The following DENND1B variants were observed in gnomAD, a reference collection of about 807,000 sequenced individuals.
DENND1B encodes the protein DENN domain-containing protein 1B.
In DENND1B, 59 loss-of-function variants were observed where a neutral mutation model predicts 90.1. The ratio of observed to expected loss-of-function variants is 0.65; its 90% CI spans 0.53 to 0.81. The LOEUF is 0.81. Ranked by LOEUF, DENND1B falls within the 40% of genes least tolerant of loss-of-function variation. The pLI, the probability that DENND1B is intolerant of heterozygous loss-of-function variation, is 0.00. For missense variants in DENND1B, 862 were observed against 912.6 expected (o/e 0.94, Z 0.71); for synonymous variants, 337 against 324.6 (o/e 1.04, Z -0.41).
intron 2 of DENND1B, among the ~76,000 whole-genome samples, chr1:197,762,335 T>C (rs113880109): frequency 0.016 from 2,467 of 152,150 alleles, 70 homozygotes; most frequent in African/African-American, 0.056. Flanking sequence ...GGCACAATCT[T>C]GGCTCACTGC....
intron 2 of DENND1B, among the ~76,000 whole-genome samples, chr1:197,729,525 A>G (rs1661962357): frequency 6.6e-6 from 1 of 152,266 alleles, no homozygotes; most frequent in African/African-American, 2.4e-5. Flanking sequence ...TATTTTCACT[A>G]CATATTTTCA....
intron 15 of DENND1B, among the ~76,000 whole-genome samples, chr1:197,560,028 A>T (rs1406036200): frequency 6.6e-6 from 1 of 151,936 alleles, no homozygotes; most frequent in African/African-American, 2.4e-5. Context: ...TTAGACTACC[A>T]TGGTATCATG....
intron 3 of DENND1B, among the ~76,000 whole-genome samples, chr1:197,707,690 T>A (rs866567916): frequency 6.8e-6 from 1 of 146,746 alleles, no homozygotes; most frequent in Admixed American, 6.9e-5. Context: ...TAATATAATA[T>A]AATATAATTA....
intron 2 of DENND1B, among the ~76,000 whole-genome samples, chr1:197,743,572 A>G (rs1174893362): frequency 1.3e-5 from 2 of 152,216 alleles, no homozygotes; most frequent in Non-Finnish European, 2.9e-5. Context: ...ATTTCTTAAA[A>G]TAAGGCAACA....
chr1:197,627,888 GA>G (rs1428942191), intron 10 of DENND1B, among the ~76,000 whole-genome samples: 9 of 151,126 alleles, frequency 6.0e-5, no homozygotes, highest in Non-Finnish European at 1.2e-4. Context: ...ACCAATAACA[GA>G]CAGACAGCGA....
At chr1:197,702,627 C>T (rs1401774476) in intron 3 of DENND1B, among the ~76,000 whole-genome samples, 1 of 152,128 alleles carries the variant, frequency 6.6e-6, no homozygotes, top group Non-Finnish European at 1.5e-5. Flanking sequence ...TGTCTATATA[C>T]TTTTTCTTCT....
intron 2 of DENND1B, among the ~76,000 whole-genome samples, chr1:197,743,971 G>A (rs759520731): frequency 2.6e-5 from 4 of 152,152 alleles, no homozygotes; most frequent in East Asian, 1.9e-4. Context: ...TTGCTCATCC[G>A]TAAGAAGCAA....
intron 2 of DENND1B, chr1:197,735,348 T>A (rs1662542743): frequency 7.6e-7 from 1 of 1,318,256 alleles, no homozygotes; most frequent in East Asian, 3.4e-5. Context: ...GCTACACAGC[T>A]CCACCTTGGC....
intron 10 of DENND1B, 35 bp from the exon 11 acceptor site, chr1:197,617,794 C>G: frequency 6.8e-7 from 1 of 1,476,570 alleles, no homozygotes; most frequent in Non-Finnish European, 9.5e-7. Context: ...AAATAAGTAG[C>G]TGCTGACCTT....
At chr1:197,674,628 A>C (rs2125988234) in intron 3 of DENND1B, among the ~76,000 whole-genome samples, 1 of 151,704 alleles carries the variant, frequency 6.6e-6, no homozygotes, top group Non-Finnish European at 1.5e-5. Context: ...TGAATTACTG[A>C]GAGGTATAAC....
At chr1:197,746,035 T>A (rs572215319) in intron 2 of DENND1B, among the ~76,000 whole-genome samples, 3 of 152,222 alleles carry the variant, frequency 2.0e-5, no homozygotes, top group Non-Finnish European at 4.4e-5. Flanking sequence ...ACTAATCCAT[T>A]ATAAACAACT....
At chr1:197,590,937 A>G (rs1012011457) in intron 14 of DENND1B, among the ~76,000 whole-genome samples, 26 of 152,286 alleles carry the variant, frequency 1.7e-4, no homozygotes, top group Admixed American at 7.2e-4. Context: ...TCTAATATAC[A>G]ACACTAAGCA....
At chr1:197,612,232 A>T (rs1425829789) in intron 11 of DENND1B, among the ~76,000 whole-genome samples, 1 of 150,574 alleles carries the variant, frequency 6.6e-6, no homozygotes, top group Non-Finnish European at 1.5e-5. Context: ...TATAATGCCT[A>T]AAAAGTTTGT....
intron 11 of DENND1B, among the ~76,000 whole-genome samples, chr1:197,616,915 C>CG (rs2125860984): frequency 6.6e-6 from 1 of 150,724 alleles, no homozygotes; most frequent in African/African-American, 2.4e-5. Context: ...ATAACATTTC[C>CG]CCCCCTAGTC....
intron 21 of DENND1B, 121 bp from the exon 22 acceptor site, chr1:197,512,065 T>C: frequency 1.4e-6 from 1 of 705,918 alleles, no homozygotes; most frequent in South Asian, 2.4e-5. Context: ...AATTAGTTCA[T>C]CACCAAATTC....
In DENND1B at chr1:197,770,745, T is replaced by C. The variant is rs989528432; in HGVS notation, c.82+2123A>G. Among the ~76,000 whole-genome samples the C allele has an allele frequency of 2.1e-5, 3 of 141,102 alleles. No individual in the cohort carries two copies. The East Asian group carries it at 5.9e-4, about 28-fold the overall frequency. The allele number at this position is 141,102 out of a possible 152,430, so 92.6% of individuals were successfully genotyped here. ...ATCTATAAATATATATAAATATATA[T>C]ATCTATAAATATATATAAATATATA... On this transcript the variant is annotated intron_variant, in intron 2 of 22. Coordinates refer to ENST00000620048, the MANE Select transcript of DENND1B (RefSeq NM_001195215.2).
At chr1:197,743,653 T>G (rs1385394430) in intron 2 of DENND1B, among the ~76,000 whole-genome samples, 1 of 152,208 alleles carries the variant, frequency 6.6e-6, no homozygotes, top group Non-Finnish European at 1.5e-5. Context: ...TGTGGTTTGA[T>G]AGCATTTTAT....
intron 11 of DENND1B, 102 bp downstream of exon 11, chr1:197,617,557 G>T: frequency 1.3e-6 from 1 of 774,358 alleles, no homozygotes; most frequent in Non-Finnish European, 2.2e-6. Flanking sequence ...AAGTTTCTGT[G>T]ATTTCTTTTA....
intron 14 of DENND1B, among the ~76,000 whole-genome samples, chr1:197,588,427 T>C (rs1281032636): frequency 6.6e-6 from 1 of 152,154 alleles, no homozygotes; most frequent in Admixed American, 6.5e-5. Context: ...AGGACGTGTA[T>C]GACTTAGCAA....
Sources: gnomAD v4.1 joint callset for allele counts (sites outside exome capture counted in the v4.1 genomes callset) on GRCh38, gnomAD v4.1.1 for gene constraint, MANE v1.5 for transcripts, NCBI Gene and HGNC (gene_info 2026-07-23, HGNC 2026-07-21) for gene names.